The following SGCZ variants were observed in gnomAD, a reference collection of about 807,000 sequenced individuals.
The protein encoded by SGCZ is zeta-sarcoglycan.
A neutral mutation model predicts 41.3 loss-of-function variants in SGCZ; 40 were observed. The observed-to-expected ratio is 0.97, with a 90% CI of 0.75 to 1.26. The LOEUF is 1.26. Among genes scored for constraint, SGCZ ranks in the 50% most tolerant of loss-of-function variants. The pLI is 0.00. For missense variants in SGCZ, 552 were observed against 369.8 expected (o/e 1.49, Z -4.04); for synonymous variants, 206 against 137.5 (o/e 1.50, Z -3.49).
At chr8:14,148,472 G>T (rs545019077) in intron 5 of SGCZ, among the ~76,000 whole-genome samples, 1 of 152,032 alleles carries the variant, frequency 6.6e-6, no homozygotes, top group South Asian at 2.1e-4. Flanking sequence ...CATCTCCAGA[G>T]ACTGAGCCAA....
intron 2 of SGCZ, among the ~76,000 whole-genome samples, chr8:14,427,584 T>G (rs903982929): frequency 6.6e-6 from 1 of 152,172 alleles, no homozygotes; most frequent in Admixed American, 6.5e-5. Flanking sequence ...TCAACCCTAC[T>G]AGACCCCTCC....
chr8:14,965,419 G>C (rs763980705), intron 1 of SGCZ, among the ~76,000 whole-genome samples: 15 of 152,090 alleles, frequency 9.9e-5, no homozygotes, highest in Non-Finnish European at 1.5e-4. Flanking sequence ...AGTCGCCAAA[G>C]ATGAGTGAGA....
At chr8:14,613,637 G>A (rs535003891) in intron 1 of SGCZ, among the ~76,000 whole-genome samples, 3 of 152,200 alleles carry the variant, frequency 2.0e-5, no homozygotes, top group African/African-American at 4.8e-5. Context: ...AGGGGTATAC[G>A]CCATTAAATC....
intron 1 of SGCZ, among the ~76,000 whole-genome samples, chr8:14,696,385 C>T (rs759420912): frequency 7.9e-5 from 12 of 152,110 alleles, no homozygotes; most frequent in Middle Eastern, 3.4e-3. Flanking sequence ...CATGGCAGAG[C>T]GAAAGCCCAC....
intron 2 of SGCZ, among the ~76,000 whole-genome samples, chr8:14,363,446 G>C (rs1247793267): frequency 2.0e-5 from 3 of 152,158 alleles, no homozygotes; most frequent in Non-Finnish European, 4.4e-5. Context: ...TTGGCATTTT[G>C]TTTTATGCCC....
chr8:14,564,906 A>AT (rs1804312721), intron 1 of SGCZ, among the ~76,000 whole-genome samples: 1 of 152,218 alleles, frequency 6.6e-6, no homozygotes, highest in African/African-American at 2.4e-5. Context: ...ACATTTCAGC[A>AT]TAATGATAGT....
chr8:14,198,365 G>A (rs10091847), intron 4 of SGCZ, among the ~76,000 whole-genome samples: 149,395 of 152,272 alleles, frequency 0.98, 73,356 homozygotes, highest in East Asian at 1. Context: ...AAAGCTGGCA[G>A]TTTGGTTCTG....
chr8:15,165,718 T>C (rs1799647202), intron 1 of SGCZ, among the ~76,000 whole-genome samples: 1 of 152,224 alleles, frequency 6.6e-6, no homozygotes. Flanking sequence ...TAAGAAGGTA[T>C]GGAAATGTAA....
chr8:14,151,899 A>C (rs1803721021), intron 5 of SGCZ, among the ~76,000 whole-genome samples: 1 of 152,056 alleles, frequency 6.6e-6, no homozygotes, highest in African/African-American at 2.4e-5. Flanking sequence ...AAAAGCAAAA[A>C]GATTGACTTA....
intron 1 of SGCZ, among the ~76,000 whole-genome samples, chr8:15,057,892 T>C (rs1804772472): frequency 6.6e-6 from 1 of 152,168 alleles, no homozygotes; most frequent in African/African-American, 2.4e-5. Flanking sequence ...GTTTTGTGAA[T>C]CTCATCACCT....
intron 3 of SGCZ, among the ~76,000 whole-genome samples, chr8:14,305,035 C>T (rs1801307487): frequency 1.3e-5 from 2 of 152,010 alleles, no homozygotes; most frequent in African/African-American, 4.8e-5. Flanking sequence ...TTGATGTAAA[C>T]AGCATACATG....
chr8:14,606,035 A>G (rs1447505633), intron 1 of SGCZ, among the ~76,000 whole-genome samples: 1 of 152,124 alleles, frequency 6.6e-6, no homozygotes, highest in Non-Finnish European at 1.5e-5. Flanking sequence ...ACCATATCTA[A>G]TTTATCTATA....
At chr8:14,524,874 T>C (rs759849128) in intron 2 of SGCZ, among the ~76,000 whole-genome samples, 2 of 152,096 alleles carry the variant, frequency 1.3e-5, no homozygotes, top group Non-Finnish European at 2.9e-5. Flanking sequence ...GAAAGTAATA[T>C]AATTCTGACA....
chr8:14,250,685 C>A (rs1409576774), intron 3 of SGCZ, among the ~76,000 whole-genome samples: 1 of 152,072 alleles, frequency 6.6e-6, no homozygotes, highest in South Asian at 2.1e-4. Flanking sequence ...TTGAGTTAAC[C>A]CTTGAGATGC....
chr8:14,664,727 T>C (rs546383070), intron 1 of SGCZ, among the ~76,000 whole-genome samples: 1 of 152,336 alleles, frequency 6.6e-6, no homozygotes, highest in Admixed American at 6.5e-5. Flanking sequence ...ACACTGATTT[T>C]AAAAATCTAA....
intron 1 of SGCZ, among the ~76,000 whole-genome samples, chr8:14,904,362 C>T (rs1799062687): frequency 6.6e-6 from 1 of 151,952 alleles, no homozygotes; most frequent in South Asian, 2.1e-4. Context: ...ACATCTCAAT[C>T]CTTTCCAAAA....
chr8:15,213,341 A>T (rs867875082), intron 1 of SGCZ, among the ~76,000 whole-genome samples: 16 of 151,924 alleles, frequency 1.1e-4, no homozygotes, highest in Middle Eastern at 3.6e-3. Context: ...TACACAAAAA[A>T]TTTTTTTCCC....
chr8:14,709,515 T>G (rs1421382755), intron 1 of SGCZ, among the ~76,000 whole-genome samples: 1 of 152,188 alleles, frequency 6.6e-6, no homozygotes, highest in African/African-American at 2.4e-5. Context: ...ATCACCCTTC[T>G]CAATTGTGCA....
chr8:14,682,398 A>T (rs1236469917), intron 1 of SGCZ, among the ~76,000 whole-genome samples: 5 of 152,012 alleles, frequency 3.3e-5, no homozygotes, highest in African/African-American at 7.3e-5. Flanking sequence ...AAACTTAATT[A>T]AAAATGCACA....
Sources: gnomAD v4.1 joint callset for allele counts (sites outside exome capture counted in the v4.1 genomes callset) on GRCh38, gnomAD v4.1.1 for gene constraint, MANE v1.5 for transcripts, NCBI Gene and HGNC (gene_info 2026-07-23, HGNC 2026-07-21) for gene names.